The following PTPRT variants were observed in gnomAD, a reference collection of about 807,000 sequenced individuals.
The protein encoded by PTPRT is receptor-type tyrosine-protein phosphatase T.
A neutral mutation model predicts 176.8 loss-of-function variants in PTPRT; 56 were observed. The observed-to-expected ratio is 0.32, with a 90% CI of 0.26 to 0.40. The LOEUF is 0.40. PTPRT is among the 10% of genes least tolerant of loss of function. The pLI, the probability that PTPRT is intolerant of heterozygous loss-of-function variation, is 1.00. For synonymous variants in PTPRT, 783 were observed against 739.0 expected, an observed-to-expected ratio of 1.06 and a Z score of -0.96; for missense variants, 1,540 against 1,908.2, an observed-to-expected ratio of 0.81 and a Z score of 3.60.
chr20:42,297,703 A>G (rs1271611930), intron 12 of PTPRT, among the ~76,000 whole-genome samples: 1 of 152,212 alleles, frequency 6.6e-6, no homozygotes, highest in East Asian at 1.9e-4. Flanking sequence ...TACGACATCC[A>G]GAAAAACACC....
chr20:42,207,585 T>G lies in PTPRT; in HGVS notation c.2343-8197A>C, dbSNP rs558803903. Among the ~76,000 whole-genome samples, 7 of 37,490 alleles carry G rather than the reference T, an allele frequency of 1.9e-4. No individual in the cohort carries two copies. The South Asian group carries it at 5.4e-3, about 29-fold the overall frequency. 24.6% of individuals were successfully genotyped at this position (37,490 alleles called of 152,430 possible). ...AATGAAATGAAGCGAGAAGGGAAGT[T>G]TAGAGAAAAAAGAATAAAAAGAAAT... is the stretch of plus-strand genomic sequence containing the variant. On this transcript the variant is annotated intron_variant, in intron 15 of 30. Transcript: ENST00000373187.
intron 8 of PTPRT, among the ~76,000 whole-genome samples, chr20:42,465,476 A>AT (rs1159138558): frequency 6.6e-6 from 1 of 152,250 alleles, no homozygotes. Context: ...CCATAGTGTC[A>AT]TAAAAAATAA....
At chr20:42,197,576 T>C (rs1406338860) in intron 16 of PTPRT, among the ~76,000 whole-genome samples, 1 of 151,968 alleles carries the variant, frequency 6.6e-6, no homozygotes, top group Non-Finnish European at 1.5e-5. Flanking sequence ...GACTATGAAC[T>C]GGTATATTAG....
At chr20:42,518,907 T>C (rs1015039363) in intron 7 of PTPRT, among the ~76,000 whole-genome samples, 12 of 152,208 alleles carry the variant, frequency 7.9e-5, no homozygotes, top group Admixed American at 1.3e-4. Flanking sequence ...TTATTTTCCC[T>C]GAAATTTTAT....
intron 12 of PTPRT, among the ~76,000 whole-genome samples, chr20:42,298,739 G>A (rs2057420427): frequency 1.3e-5 from 2 of 152,066 alleles, no homozygotes; most frequent in African/African-American, 4.8e-5. Context: ...TGGCCAACAT[G>A]GTTAAACCCT....
In PTPRT at chr20:42,471,109, A is replaced by G. The variant is rs76551900; in HGVS notation, c.1450+1157T>C. Among the ~76,000 whole-genome samples the G allele has an allele frequency of 7.9e-3, 1,208 of 152,268 alleles. 11 individuals are homozygous for G. The highest frequency in any genetic ancestry group is 0.014 in the Middle Eastern group (4 of 294). On this transcript the variant is annotated intron_variant, in intron 8 of 30. Transcript: ENST00000373187. ...CTGTCATCCAGCCAGATGAATATTC[A>G]GTTCTGGGTGGATCCAATGTGTACG...
chr20:42,451,947 G>A (rs1395507274), intron 8 of PTPRT, among the ~76,000 whole-genome samples: 1 of 152,138 alleles, frequency 6.6e-6, no homozygotes, highest in Non-Finnish European at 1.5e-5. Context: ...AAAGACAAGA[G>A]AGGTTATGAT....
chr20:42,255,071 G>T (rs1479932106), intron 13 of PTPRT, among the ~76,000 whole-genome samples: 4 of 152,052 alleles, frequency 2.6e-5, no homozygotes, highest in Non-Finnish European at 5.9e-5. Flanking sequence ...GACAAGAGCT[G>T]GCTGGAACAT....
chr20:42,121,666 A>C (rs999448464), intron 19 of PTPRT, among the ~76,000 whole-genome samples: 12 of 149,640 alleles, frequency 8.0e-5, no homozygotes, highest in Admixed American at 1.3e-4. Context: ...CTATGTGTCC[A>C]TCTCAATGGA....
At chr20:42,394,566 T>C (rs2058830740) in intron 9 of PTPRT, among the ~76,000 whole-genome samples, 1 of 152,190 alleles carries the variant, frequency 6.6e-6, no homozygotes, top group South Asian at 2.1e-4. Flanking sequence ...TCATGATGTT[T>C]TTAAAATAAT....
At chr20:42,746,904 C>T (rs1192136969) in intron 6 of PTPRT, among the ~76,000 whole-genome samples, 1 of 152,114 alleles carries the variant, frequency 6.6e-6, no homozygotes, top group Non-Finnish European at 1.5e-5. Flanking sequence ...ATGGGTAGAA[C>T]TCACACTGAG....
intron 16 of PTPRT, among the ~76,000 whole-genome samples, chr20:42,176,694 A>C (rs1990306205): frequency 6.6e-6 from 1 of 152,216 alleles, no homozygotes; most frequent in East Asian, 1.9e-4. Flanking sequence ...TAAGGAATGC[A>C]AAATAGTTGC....
intron 12 of PTPRT, among the ~76,000 whole-genome samples, chr20:42,311,984 T>C (rs924217635): frequency 3.3e-5 from 5 of 152,250 alleles, no homozygotes; most frequent in Non-Finnish European, 7.3e-5. Flanking sequence ...GTCTTAGTTT[T>C]TGTTGATAAA....
At chr20:42,095,889 C>A (rs192112342) in intron 27 of PTPRT, among the ~76,000 whole-genome samples, 1 of 152,298 alleles carries the variant, frequency 6.6e-6, no homozygotes, top group Admixed American at 6.5e-5. Context: ...CTCTCACAGG[C>A]ACATCCCAAG....
chr20:42,976,190 T>C (rs1982938642), intron 1 of PTPRT, among the ~76,000 whole-genome samples: 1 of 152,162 alleles, frequency 6.6e-6, no homozygotes, highest in South Asian at 2.1e-4. Context: ...AGCTTTCATC[T>C]GGACTACAAT....
intron 2 of PTPRT, among the ~76,000 whole-genome samples, chr20:42,869,878 G>C (rs553032083): frequency 1.3e-5 from 2 of 152,098 alleles, no homozygotes; most frequent in South Asian, 4.2e-4. Flanking sequence ...TAAGTAATGC[G>C]GTCAGAGCCC....
chr20:42,193,449 G>T (rs1991077612), intron 16 of PTPRT, among the ~76,000 whole-genome samples: 1 of 152,212 alleles, frequency 6.6e-6, no homozygotes, highest in South Asian at 2.1e-4. Flanking sequence ...CTGTGAGACT[G>T]GTGAATGTTG....
At chr20:42,870,207 T>A (rs2078821370) in intron 2 of PTPRT, among the ~76,000 whole-genome samples, 1 of 152,182 alleles carries the variant, frequency 6.6e-6, no homozygotes, top group Non-Finnish European at 1.5e-5. Flanking sequence ...ATTTTTTTAT[T>A]TCTGTAAGTT....
intron 15 of PTPRT, among the ~76,000 whole-genome samples, chr20:42,212,816 A>C (rs1287616713): frequency 1.3e-5 from 2 of 152,242 alleles, no homozygotes; most frequent in African/African-American, 4.8e-5. Context: ...TAGTTTAAAT[A>C]ACCTCATTAT....
Sources: allele counts gnomAD v4.1 joint callset (sites outside exome capture counted in the v4.1 genomes callset), GRCh38; gene constraint gnomAD v4.1.1; transcripts MANE v1.5; gene names NCBI Gene and HGNC (gene_info 2026-07-23, HGNC 2026-07-21).